The following CA6 variants were observed in gnomAD, a reference collection of about 807,000 sequenced individuals.
The protein encoded by CA6 is carbonic anhydrase 6, also known as carbonate dehydratase VI.
CA6 carries 28 observed loss-of-function variants against 35.9 expected under a neutral mutation model. The observed-to-expected ratio is 0.78, with a 90% CI of 0.58 to 1.07. The LOEUF is 1.07. Ranked by LOEUF, CA6 falls within the 50% of genes least tolerant of loss-of-function variation. The pLI is 0.00. For synonymous variants in CA6, 148 were observed against 152.6 expected (o/e 0.97, Z 0.22); for missense variants, 377 against 382.0 (o/e 0.99, Z 0.11).
rs200133195 is a variant in CA6, at chr1:8,971,030, T to C, written c.844+49T>C. On this transcript the variant is annotated intron_variant, in intron 7 of 7. Coordinates refer to ENST00000377443, the MANE Select transcript of CA6 (RefSeq NM_001215.4). ...ATGCTCTGCAGTTTAACTCCTGTTT[T>C]GCTCCTTCCTCTAGGTGGACCCATC... is the stretch of plus-strand genomic sequence containing the variant. The C allele has an allele frequency of 1.1e-4, 137 of 1,219,374 alleles. 1 individual carries two copies. Among genetic ancestry groups the C allele is most frequent in the Admixed American group, 3.9e-4 (23 of 59,344 alleles). 75.5% of individuals were successfully genotyped at this position (1,219,374 alleles called of 1,614,324 possible).
chr1:8,973,825 T>C (rs1354805334), intron 7 of CA6, among the ~76,000 whole-genome samples: 1 of 147,306 alleles, frequency 6.8e-6, no homozygotes, highest in Non-Finnish European at 1.5e-5. Context: ...CTCTCTTTCT[T>C]CCTCTCTTTC....
At chr1:8,964,739 C>G (rs1343530827) in intron 5 of CA6, among the ~76,000 whole-genome samples, 2 of 152,188 alleles carry the variant, frequency 1.3e-5, no homozygotes, top group African/African-American at 4.8e-5. Flanking sequence ...CCCACCCCAC[C>G]CTGAGCTGGC....
chr1:8,951,745 G>C, intron 2 of CA6: 1 of 739,822 alleles, frequency 1.4e-6, no homozygotes, highest in Non-Finnish European at 2.5e-6. Flanking sequence ...CTGTTCCTTT[G>C]GGGTTCTCAC....
chr1:8,962,803 G>T (rs1206950601), intron 5 of CA6, 147 bp downstream of exon 5: 9 of 694,704 alleles, frequency 1.3e-5, no homozygotes, highest in African/African-American at 1.2e-4. Flanking sequence ...CCTGTGCCAG[G>T]TTACTTGTTC....
Position 8,954,299 on chromosome 1 carries a change from G to T in CA6, c.260-2838G>T, listed in dbSNP as rs145529031. Among the ~76,000 whole-genome samples, 847 of 152,076 alleles carry T rather than the reference G, an allele frequency of 5.6e-3. 8 individuals carry two copies. Among genetic ancestry groups the T allele is most frequent in the African/African-American group, 0.019 (805 of 41,480 alleles). On this transcript the variant is annotated intron_variant, in intron 2 of 7. Transcript: ENST00000377443. ...CGTGCCTCAGCCTCCCAAGTAGCTG[G>T]GTTTACAGGCATGCACCACCATGCT...
chr1:8,967,083 A>G (rs1639988343), intron 5 of CA6, among the ~76,000 whole-genome samples: 1 of 152,092 alleles, frequency 6.6e-6, no homozygotes, highest in African/African-American at 2.4e-5. Flanking sequence ...TTGGCCTCCC[A>G]GAGTGTTGAG....
At position 8,949,281 on chromosome 1, in the gene CA6, C is replaced by G; in HGVS notation, c.98C>G (p.Ala33Gly). ...WTYSEGALDE[A>G]HWPQHYPACG... is the part of the protein sequence containing the mutation. Reference sequence around the variant, plus strand: ...GTCTTAGAAGGGGCACTGGACGAAGCGCACTGGCCACAGCACTACCCCGCC... The same window carrying G: ...GTCTTAGAAGGGGCACTGGACGAAGGGCACTGGCCACAGCACTACCCCGCC... The change falls in exon 2 of 8, where the codon GCG becomes GGG. Residue 33 changes from alanine (A) to glycine (G), a missense_variant. Physicochemically the swap from Ala to Gly is moderately conservative, Grantham distance 60. Transcript: ENST00000377443. The G allele has an allele frequency of 3.1e-6, 5 of 1,602,886 alleles. No individual in the cohort carries two copies. Among genetic ancestry groups the G allele is most frequent in the Non-Finnish European group, 4.3e-6 (5 of 1,175,288 alleles).
chr1:8,966,427 G>T (rs2124182097), intron 5 of CA6, among the ~76,000 whole-genome samples: 1 of 152,068 alleles, frequency 6.6e-6, no homozygotes, highest in South Asian at 2.1e-4. Flanking sequence ...TATTTTTTGA[G>T]GAACTATTAT....
At chr1:8,958,489 CCT>C (rs1639750157) in intron 3 of CA6, among the ~76,000 whole-genome samples, 2 of 152,166 alleles carry the variant, frequency 1.3e-5, no homozygotes, top group South Asian at 4.1e-4. Flanking sequence ...TTCTGAGTTA[CCT>C]CTTTTGCCAG....
rs186826553 is a variant in CA6, at chr1:8,952,987, C to T, written c.259+3545C>T. Reference sequence around the variant, plus strand: ...TTGAAAGGTTTCTAATCACATGTATCGAGCAATCATTTCAGTGTCATGAAA... The same window carrying T: ...TTGAAAGGTTTCTAATCACATGTATTGAGCAATCATTTCAGTGTCATGAAA... On this transcript the variant is annotated intron_variant, in intron 2 of 7. Transcript: ENST00000377443. Among the ~76,000 whole-genome samples the T allele has an allele frequency of 8.5e-5, 13 of 152,298 alleles. 1 individual carries two copies. In the East Asian group the frequency reaches 1.7e-3, roughly 20 times the overall value.
intron 2 of CA6, chr1:8,951,423 A>C: frequency 1.3e-6 from 1 of 761,300 alleles, no homozygotes; most frequent in South Asian, 1.3e-5. Flanking sequence ...ATGCTTCCAG[A>C]TTGGCAGGCG....
At chr1:8,951,890 G>A (rs964686121) in intron 2 of CA6, 9 of 221,552 alleles carry the variant, frequency 4.1e-5, no homozygotes, top group Non-Finnish European at 7.7e-5. Context: ...TGCAATCTTG[G>A]CTCACTGAAA....
intron 3 of CA6, among the ~76,000 whole-genome samples, chr1:8,958,612 T>G (rs1327300679): frequency 1.3e-5 from 2 of 152,236 alleles, no homozygotes; most frequent in Non-Finnish European, 2.9e-5. Context: ...ACTGTCCTCA[T>G]GTGATCCCTT....
At chr1:8,959,494 T>C (rs938767020) in intron 4 of CA6, among the ~76,000 whole-genome samples, 1 of 151,966 alleles carries the variant, frequency 6.6e-6, no homozygotes, top group African/African-American at 2.4e-5. Flanking sequence ...TTTGTATTTT[T>C]AGTAGAGACG....
At chr1:8,960,789 C>CATATATAT (rs1553163139) in intron 4 of CA6, among the ~76,000 whole-genome samples, 142 of 116,912 alleles carry the variant, frequency 1.2e-3, no homozygotes, top group African/African-American at 4.0e-3. Flanking sequence ...CACACACACA[C>CATATATAT]ATATATATAA....
intron 2 of CA6, among the ~76,000 whole-genome samples, chr1:8,952,901 C>T (rs1019148166): frequency 6.6e-6 from 1 of 151,602 alleles, no homozygotes; most frequent in Non-Finnish European, 1.5e-5. Context: ...AAGTCATCCG[C>T]CCACTTCGGC....
At chr1:8,946,390 G>A (rs1209139482) in intron 1 of CA6, among the ~76,000 whole-genome samples, 6 of 151,878 alleles carry the variant, frequency 4.0e-5, no homozygotes, top group African/African-American at 1.2e-4. Context: ...GCCATATGTT[G>A]GGGGTCTGCT....
At chr1:8,973,726 TTC>T (rs1491137376) in intron 7 of CA6, among the ~76,000 whole-genome samples, 3 of 15,540 alleles carry the variant, frequency 1.9e-4, no homozygotes, top group African/African-American at 4.1e-4. Context: ...CTTTCTTTCT[TTC>T]TTTCTTTCTT....
chr1:8,951,299 T>C (rs573812585), intron 2 of CA6: 2 of 594,310 alleles, frequency 3.4e-6, no homozygotes, highest in African/African-American at 1.9e-5. Context: ...AATGAAGCTC[T>C]GTCTGTAAAA....
Sources: allele counts gnomAD v4.1 joint callset (sites outside exome capture counted in the v4.1 genomes callset), GRCh38; gene constraint gnomAD v4.1.1; transcripts MANE v1.5; gene names NCBI Gene and HGNC (gene_info 2026-07-23, HGNC 2026-07-21).